Variants in A4GALT observed in about 807,000 individuals in gnomAD.
A4GALT encodes lactosylceramide 4-alpha-galactosyltransferase.
For missense variants in A4GALT, 512 were observed against 486.0 expected (o/e 1.05, Z -0.50); for synonymous variants, 257 against 220.7 (o/e 1.16, Z -1.46).
In A4GALT at chr22:42,692,307, G is replaced by A. The variant is rs1402272673; in HGVS notation, c.*583C>T. ...CTGGAGAGGAAGAAGGATGGGGTGG[G>A]CAGAAGGGGCTGCCCCCAAACGGCT... On this transcript the variant is annotated 3_prime_UTR_variant, in exon 3 of 3. Transcript: ENST00000642412. The surrounding 1 kb of genome is among the most constrained non-coding windows in gnomAD (Gnocchi z 4.6). 1.9e-5 allele frequency: 5 copies of A among 258,244 alleles called. No homozygotes were observed. The highest frequency in any genetic ancestry group is 3.8e-5 in the Non-Finnish European group (5 of 130,950). 16.0% of individuals were successfully genotyped at this position (258,244 alleles called of 1,614,324 possible). A position where few individuals can be genotyped will look rare whatever the true frequency, so the allele number is the denominator to read the frequency against.
At chr22:42,706,859 G>A (rs6002919) in intron 1 of A4GALT, among the ~76,000 whole-genome samples, 1 of 151,782 alleles carries the variant, frequency 6.6e-6, no homozygotes, top group Non-Finnish European at 1.5e-5. Flanking sequence ...AAAATGCTGG[G>A]GCAAAAATCT....
intron 1 of A4GALT, among the ~76,000 whole-genome samples, chr22:42,709,327 G>A (rs1303748891): frequency 1.5e-5 from 2 of 131,300 alleles, no homozygotes; most frequent in Non-Finnish European, 3.2e-5. Flanking sequence ...CTACAGGCAC[G>A]AGCCACTGTG....
intron 1 of A4GALT, among the ~76,000 whole-genome samples, chr22:42,704,507 A>T (rs940891497): frequency 7.3e-5 from 11 of 151,486 alleles, no homozygotes; most frequent in African/African-American, 2.7e-4. Flanking sequence ...AAAAAATAAT[A>T]AAAAAAATTA....
At position 42,693,188 on chromosome 22, in the gene A4GALT, G is replaced by A. The variant is rs781505090; in HGVS notation, c.764C>T (p.Thr255Met). 6.3e-7 allele frequency: 1 copy of A among 1,599,886 alleles called. No homozygotes were observed. The highest frequency in any genetic ancestry group is 8.5e-7 in the Non-Finnish European group (1 of 1,174,254). Residue 255 changes from threonine (T) to methionine (M), a missense_variant, in exon 3 of 3, where the codon ACG (threonine) becomes ATG (methionine). Thr to Met is a moderately conservative substitution (Grantham distance 81, BLOSUM62 -1). Transcript: ENST00000642412. ...GGAACACCACTTCTTGAAGACCCGCGTGAGCAGCTGCGGGCCCTGGTGACC... is the reference window on the plus strand; with the variant it reads ...GGAACACCACTTCTTGAAGACCCGCATGAGCAGCTGCGGGCCCTGGTGACC... ...IWGHQGPQLL[T>M]RVFKKWCSIR...
Position 42,692,688 on chromosome 22 carries a change from G to T in A4GALT, c.*202C>A, listed in dbSNP as rs969793761. 2.8e-6 allele frequency: 2 copies of T among 720,428 alleles called. No individual in the cohort carries two copies. The highest frequency in any genetic ancestry group is 4.9e-6 in the Non-Finnish European group (2 of 404,716). 44.6% of individuals were successfully genotyped at this position (720,428 alleles called of 1,614,324 possible). A position where few individuals can be genotyped will look rare whatever the true frequency, so the allele number is the denominator to read the frequency against. On this transcript the variant is annotated 3_prime_UTR_variant, in exon 3 of 3. Coordinates refer to ENST00000642412, the MANE Select transcript of A4GALT (RefSeq NM_017436.7). This position sits in a 1 kb window ranked among gnomAD's most constrained non-coding sequence, Gnocchi z 4.6. ...CCCTCCGCTGGCTATGGCACCATGT[G>T]TCAGCCCTGCCTCGAGACAGGACAC...
In A4GALT at chr22:42,693,341, A is replaced by C. The variant is rs903347202; in HGVS notation, c.611T>G (p.Leu204Arg). 6.2e-7 allele frequency: 1 copy of C among 1,613,110 alleles called. No individual in the cohort carries two copies. The highest frequency in any genetic ancestry group is 8.5e-7 in the Non-Finnish European group (1 of 1,180,006). ...GGACTGGGTGCCCAGCACGTTGGTC[A>C]GGTTCCGCAGGTTCTTGAGAACAAT... ...DFIVLKNLRN[L>R]TNVLGTQSRY... Residue 204 changes from leucine (L) to arginine (R), a missense_variant, in exon 3 of 3, where the codon CTG becomes CGG. Coordinates refer to ENST00000642412, the MANE Select transcript of A4GALT (RefSeq NM_017436.7).
Position 42,707,242 on chromosome 22 carries a change from A to G in A4GALT, c.-187-11611T>C, listed in dbSNP as rs143668975. On this transcript the variant is annotated intron_variant, in intron 1 of 2. Coordinates refer to ENST00000642412, the MANE Select transcript of A4GALT (RefSeq NM_017436.7). ...CATATTCAGTCCAAAGAAAATGTCA[A>G]TAACATCCAAAAAATATTTTAAAAA... 3.7e-3 allele frequency among the ~76,000 whole-genome samples: 557 copies of G among 152,322 alleles called. 4 individuals are homozygous for G. Among genetic ancestry groups the G allele is most frequent in the African/African-American group, 0.013 (531 of 41,580 alleles).
At chr22:42,701,015 C>A (rs562980832) in intron 1 of A4GALT, among the ~76,000 whole-genome samples, 56 of 152,300 alleles carry the variant, frequency 3.7e-4, no homozygotes, top group African/African-American at 1.3e-3. Context: ...ATGGTGAGAG[C>A]CTGCCATCCC....
chr22:42,702,616 C>A (rs925675697), intron 1 of A4GALT, among the ~76,000 whole-genome samples: 4 of 152,140 alleles, frequency 2.6e-5, no homozygotes, highest in African/African-American at 9.7e-5. Flanking sequence ...GGATTACAGG[C>A]GTGAGCCGCC....
intron 1 of A4GALT, among the ~76,000 whole-genome samples, chr22:42,707,141 A>G (rs1921216361): frequency 6.6e-6 from 1 of 152,208 alleles, no homozygotes; most frequent in Non-Finnish European, 1.5e-5. Context: ...ATAATATTTC[A>G]AACTCTCTAC....
chr22:42,696,436 A>G (rs1215572752), intron 1 of A4GALT, among the ~76,000 whole-genome samples: 2 of 151,508 alleles, frequency 1.3e-5, no homozygotes, highest in African/African-American at 2.4e-5. Flanking sequence ...GGAAAAAAAA[A>G]AAAAAAGAAA....
intron 1 of A4GALT, among the ~76,000 whole-genome samples, chr22:42,707,727 A>G (rs927859092): frequency 1.3e-5 from 2 of 152,200 alleles, no homozygotes; most frequent in Non-Finnish European, 2.9e-5. Context: ...ATACAGCTAC[A>G]GCAATGATCA....
rs973668385 is a variant in A4GALT, at chr22:42,720,870, T to C, written c.-261A>G. On this transcript the variant is annotated 5_prime_UTR_variant, in exon 1 of 3. Transcript: ENST00000642412. ...GGGCGGCGCGGCGGCCGGAGGGCAGTGCCTGGGGCCCGGCGGGAGGCAGCA... is the reference window on the plus strand; with the variant it reads ...GGGCGGCGCGGCGGCCGGAGGGCAGCGCCTGGGGCCCGGCGGGAGGCAGCA... 2.9e-4 allele frequency: 42 copies of C among 145,158 alleles called. No homozygotes were observed. The highest frequency in any genetic ancestry group is 9.7e-4 in the African/African-American group (39 of 40,172). 9.0% of individuals were successfully genotyped at this position (145,158 alleles called of 1,614,324 possible).
At chr22:42,702,573 G>A (rs1232579966) in intron 1 of A4GALT, among the ~76,000 whole-genome samples, 1 of 152,204 alleles carries the variant, frequency 6.6e-6, no homozygotes, top group Non-Finnish European at 1.5e-5. Context: ...CTGACCTCGG[G>A]TGATCCGCCC....
At chr22:42,713,829 AAGACAGAC>A (rs1170485898) in intron 1 of A4GALT, among the ~76,000 whole-genome samples, 2 of 126,474 alleles carry the variant, frequency 1.6e-5, no homozygotes, top group Non-Finnish European at 1.7e-5. Context: ...AAAAAAAAAA[AAGACAGAC>A]AGACAGACAG....
At chr22:42,699,498 C>T (rs1054452612) in intron 1 of A4GALT, among the ~76,000 whole-genome samples, 9 of 152,180 alleles carry the variant, frequency 5.9e-5, no homozygotes, top group South Asian at 2.1e-4. Context: ...TCACATCACT[C>T]GACATTTCCT....
At chr22:42,702,877 AC>A (rs112272874) in intron 1 of A4GALT, among the ~76,000 whole-genome samples, 1 of 142,008 alleles carries the variant, frequency 7.0e-6, no homozygotes, top group African/African-American at 3.0e-5. Context: ...GCTCAGCCTG[AC>A]CCCCAGTGAG....
At chr22:42,704,731 AT>A (rs1399629200) in intron 1 of A4GALT, among the ~76,000 whole-genome samples, 1 of 152,086 alleles carries the variant, frequency 6.6e-6, no homozygotes, top group East Asian at 1.9e-4. Flanking sequence ...TTAGTTCTGA[AT>A]TTTCCCTCTT....
intron 1 of A4GALT, among the ~76,000 whole-genome samples, chr22:42,704,426 G>A (rs1325728523): frequency 1.3e-5 from 2 of 152,102 alleles, no homozygotes; most frequent in Admixed American, 6.6e-5. Context: ...GGCGGAGATT[G>A]CAGTGAGCTG....
Sources: gnomAD v4.1 joint callset for allele counts (sites outside exome capture counted in the v4.1 genomes callset) on GRCh38, gnomAD v4.1.1 for gene constraint, Gnocchi (gnomAD v3.1) non-coding constraint, MANE v1.5 for transcripts, NCBI Gene and HGNC (gene_info 2026-07-23, HGNC 2026-07-21) for gene names.